KCNIP1: variants seen among roughly 807,000 people sequenced by gnomAD.
KCNIP1 encodes the protein A-type potassium channel modulatory protein KCNIP1.
Under a neutral mutation model 33.0 loss-of-function variants are expected in KCNIP1, and 18 were observed. That is an observed-to-expected ratio of 0.55 (90% CI 0.38 to 0.81). The LOEUF (loss-of-function observed/expected upper bound fraction) is 0.81. Ranked by LOEUF, KCNIP1 falls within the 30% of genes least tolerant of loss-of-function variation. The probability of loss-of-function intolerance (pLI) is 0.00; values close to 1 mark genes in which losing one functional copy is unlikely to be tolerated. For missense variants in KCNIP1, 238 were observed against 271.6 expected (o/e 0.88, Z 0.87); for synonymous variants, 93 against 98.3 (o/e 0.95, Z 0.32).
intron 1 of KCNIP1, among the ~76,000 whole-genome samples, chr5:170,555,210 C>T (rs377069901): frequency 2.0e-5 from 3 of 152,086 alleles, no homozygotes; most frequent in Non-Finnish European, 4.4e-5. Flanking sequence ...CGCAGGCGGG[C>T]GCTCAGCCTA....
At chr5:170,514,040 G>A (rs1004000068) in intron 1 of KCNIP1, among the ~76,000 whole-genome samples, 1 of 152,192 alleles carries the variant, frequency 6.6e-6, no homozygotes, top group Non-Finnish European at 1.5e-5. Context: ...ATCTGATTGC[G>A]AGGCACTCCA....
intron 1 of KCNIP1, among the ~76,000 whole-genome samples, chr5:170,477,337 C>G (rs892003698): frequency 2.7e-5 from 4 of 150,506 alleles, no homozygotes; most frequent in African/African-American, 9.8e-5. Context: ...TATATATATA[C>G]ACATATATAT....
At chr5:170,566,880 G>A (rs1057200149) in intron 1 of KCNIP1, among the ~76,000 whole-genome samples, 13 of 152,348 alleles carry the variant, frequency 8.5e-5, no homozygotes, top group African/African-American at 3.1e-4. Flanking sequence ...CGAGGAATTA[G>A]GAAGAAGGAA....
At chr5:170,703,261 A>G (rs1315381747) in intron 1 of KCNIP1, among the ~76,000 whole-genome samples, 1 of 137,876 alleles carries the variant, frequency 7.3e-6, no homozygotes, top group Non-Finnish European at 1.5e-5. Flanking sequence ...ATTGTTGAAC[A>G]GGGATTGCAG....
At chr5:170,600,803 C>T (rs2113585113) in intron 1 of KCNIP1, among the ~76,000 whole-genome samples, 1 of 152,328 alleles carries the variant, frequency 6.6e-6, no homozygotes, top group South Asian at 2.1e-4. Flanking sequence ...GCTGTGCGAC[C>T]CTGGGCAAGC....
At chr5:170,574,716 G>A (rs1038853393) in intron 1 of KCNIP1, among the ~76,000 whole-genome samples, 2 of 152,100 alleles carry the variant, frequency 1.3e-5, no homozygotes, top group Non-Finnish European at 2.9e-5. Flanking sequence ...GCAGCTCAGG[G>A]TGCCAGGAAG....
intron 1 of KCNIP1, among the ~76,000 whole-genome samples, chr5:170,545,480 T>A (rs1756377866): frequency 6.6e-6 from 1 of 152,220 alleles, no homozygotes; most frequent in South Asian, 2.1e-4. Context: ...TTTCTCTTCT[T>A]GCCTTCTGGG....
intron 1 of KCNIP1, among the ~76,000 whole-genome samples, chr5:170,646,371 C>A (rs555781781): frequency 1.3e-5 from 2 of 152,030 alleles, no homozygotes; most frequent in Admixed American, 6.6e-5. Context: ...AGTCCAACAA[C>A]GTATAAAAAG....
rs1380210614 is a variant in KCNIP1 at position 170,736,029 on chromosome 5, G to A, written c.*223G>A. Reference sequence around the variant, plus strand: ...TCTTTCTTCTTCTTGAGAGAGACAAGATGAAATTTGAGTTTGTTTTGGAAG... The same window carrying A: ...TCTTTCTTCTTCTTGAGAGAGACAAAATGAAATTTGAGTTTGTTTTGGAAG... On this transcript the variant is annotated 3_prime_UTR_variant, in exon 8 of 8. Coordinates refer to ENST00000328939, the MANE Select transcript of KCNIP1 (RefSeq NM_014592.4). 3.1e-5 allele frequency: 17 copies of A among 553,802 alleles called. No individual in the cohort carries two copies. In the East Asian group the frequency reaches 4.3e-4, roughly 14 times the overall value. 34.3% of individuals were successfully genotyped at this position (553,802 alleles called of 1,614,324 possible).
intron 1 of KCNIP1, among the ~76,000 whole-genome samples, chr5:170,652,064 G>A (rs1032871837): frequency 3.3e-5 from 5 of 152,160 alleles, no homozygotes; most frequent in Non-Finnish European, 7.4e-5. Flanking sequence ...GCTGAGCAAT[G>A]AGGAGCTGGC....
intron 1 of KCNIP1, among the ~76,000 whole-genome samples, chr5:170,400,100 G>A (rs952495236): frequency 6.6e-5 from 10 of 152,178 alleles, no homozygotes; most frequent in Admixed American, 2.6e-4. Context: ...GGCCTGTCTC[G>A]ACAGCCTCTC....
intron 1 of KCNIP1, among the ~76,000 whole-genome samples, chr5:170,487,854 C>T (rs1036275266): frequency 2.0e-5 from 3 of 150,810 alleles, no homozygotes; most frequent in Admixed American, 6.6e-5. Flanking sequence ...AGAAAAAAAA[C>T]CCTGACTCCT....
chr5:170,715,813 C>T (rs1352944082), intron 1 of KCNIP1, among the ~76,000 whole-genome samples: 1 of 152,198 alleles, frequency 6.6e-6, no homozygotes, highest in Non-Finnish European at 1.5e-5. Flanking sequence ...GTAACTAGCT[C>T]ATCATTATTT....
intron 1 of KCNIP1, among the ~76,000 whole-genome samples, chr5:170,709,772 T>G (rs2113852227): frequency 6.6e-6 from 1 of 152,328 alleles, no homozygotes; most frequent in South Asian, 2.1e-4. Context: ...TTATCATTAT[T>G]TATCTCTTTC....
At chr5:170,356,684 G>A (rs1763356565) in intron 1 of KCNIP1, among the ~76,000 whole-genome samples, 1 of 152,190 alleles carries the variant, frequency 6.6e-6, no homozygotes, top group Non-Finnish European at 1.5e-5. Context: ...AAGACCATGT[G>A]CATTTTTTTG....
At chr5:170,397,392 C>G (rs1415296901) in intron 1 of KCNIP1, among the ~76,000 whole-genome samples, 1 of 152,120 alleles carries the variant, frequency 6.6e-6, no homozygotes, top group Non-Finnish European at 1.5e-5. Flanking sequence ...GAGGAGGGGT[C>G]AGGAGGGGCT....
At chr5:170,732,032 G>T (rs927354393) in intron 5 of KCNIP1, among the ~76,000 whole-genome samples, 9 of 152,244 alleles carry the variant, frequency 5.9e-5, no homozygotes, top group Admixed American at 3.3e-4. Context: ...TGAGTGAAAG[G>T]TATGCATGAA....
chr5:170,423,584 A>G (rs1380689129), intron 1 of KCNIP1, among the ~76,000 whole-genome samples: 2 of 152,106 alleles, frequency 1.3e-5, no homozygotes, highest in African/African-American at 4.8e-5. Context: ...CAAAAACCCC[A>G]CTTGGCCCAG....
Position 170,403,339 on chromosome 5 carries a change from C to T in KCNIP1, c.88+49375C>T, listed in dbSNP as rs766354822. 1.3e-3 allele frequency among the ~76,000 whole-genome samples: 202 copies of T among 152,176 alleles called. 1 individual carries two copies. Among genetic ancestry groups the T allele is most frequent in the Non-Finnish European group, 1.0e-3 (69 of 68,028 alleles). ...AAGATTCAAGAGCAGAGGAAAAATA[C>T]GAGAAACATAACTGAGAATTGTGAA... On this transcript the variant is annotated intron_variant, in intron 1 of 7. Transcript: ENST00000377360.
Sources: allele counts gnomAD v4.1 joint callset (sites outside exome capture counted in the v4.1 genomes callset), GRCh38; gene constraint gnomAD v4.1.1; transcripts MANE v1.5; gene names NCBI Gene and HGNC (gene_info 2026-07-23, HGNC 2026-07-21).